MMP14: variants seen among roughly 807,000 people sequenced by gnomAD.
The protein encoded by MMP14 is matrix metallopeptidase 14.
A neutral mutation model predicts 64.8 loss-of-function variants in MMP14; 13 were observed. That is an observed-to-expected ratio of 0.20 (90% CI 0.13 to 0.32). The LOEUF is 0.32. MMP14 is among the 10% of genes least tolerant of loss of function. The pLI is 1.00. For synonymous variants in MMP14, 322 were observed against 315.9 expected, an observed-to-expected ratio of 1.02 and a Z score of -0.20; for missense variants, 594 against 783.8, an observed-to-expected ratio of 0.76 and a Z score of 2.89.
intron 1 of MMP14, among the ~76,000 whole-genome samples, chr14:22,840,235 G>A (rs867112377): frequency 5.6e-4 from 85 of 152,180 alleles, no homozygotes; most frequent in Middle Eastern, 6.8e-3. Flanking sequence ...CCAAACTGTC[G>A]GGATTACAGG....
Position 22,844,662 on chromosome 14 carries a change from C to G in MMP14, c.1183C>G (p.Leu395Val), listed in dbSNP as rs748822217. ...DKHWVFDEAS[L>V]EPGYPKHIKE... ...GCATTGGGTGTTTGATGAGGCGTCCCTGGAACCTGGCTACCCCAAGCACAT... is the reference window on the plus strand; with the variant it reads ...GCATTGGGTGTTTGATGAGGCGTCCGTGGAACCTGGCTACCCCAAGCACAT... Residue 395 changes from leucine to valine, a missense_variant, in exon 8 of 10, where the codon CTG becomes GTG. Physicochemically the swap from Leu to Val is conservative, Grantham distance 32. This residue lies in a region of MMP14 where 364 missense variants were observed against 425.2 expected (regional missense o/e 0.86). Coordinates refer to ENST00000311852, the MANE Select transcript of MMP14 (RefSeq NM_004995.4). 6.2e-7 allele frequency: 1 copy of G among 1,614,144 alleles called. No individual in the cohort carries two copies. Among genetic ancestry groups the G allele is most frequent in the South Asian group, 1.1e-5 (1 of 91,076 alleles).
intron 1 of MMP14, among the ~76,000 whole-genome samples, chr14:22,840,055 C>G (rs1271030836): frequency 6.8e-6 from 1 of 147,088 alleles, no homozygotes; most frequent in Admixed American, 7.0e-5. Flanking sequence ...GCAACCTTGG[C>G]CTCCCAGGTT....
In MMP14 at chr14:22,843,739, C is replaced by T. The variant is rs755082954; in HGVS notation, c.880C>T (p.Pro294Ser). The change falls in exon 6 of 10, where the codon CCC (proline) becomes TCC (serine). Residue 294 changes from proline to serine, a missense_variant. By Grantham distance (74) the Pro-to-Ser change is moderately conservative. Transcript: ENST00000311852. The surrounding 1 kb of genome is among the most constrained non-coding windows in gnomAD (Gnocchi z 4.8). ...GGESGFPTKMPPQPRTTSRPS... is the reference protein window; with the variant it reads ...GGESGFPTKMSPQPRTTSRPS... Reference sequence around the variant, plus strand: ...TGAGTCAGGGTTCCCCACCAAGATGCCCCCTCAACCCAGGACTACCTCCCG... The same window carrying T: ...TGAGTCAGGGTTCCCCACCAAGATGTCCCCTCAACCCAGGACTACCTCCCG... 52 of 1,594,054 alleles carry T rather than the reference C, an allele frequency of 3.3e-5. No individual in the cohort carries two copies. The highest frequency in any genetic ancestry group is 1.1e-4 in the East Asian group (5 of 44,696).
At position 22,845,834 on chromosome 14, in the gene MMP14, A is replaced by G. The variant is rs1241716174; in HGVS notation, c.1544A>G (p.Asp515Gly). 6.2e-6 allele frequency: 10 copies of G among 1,614,160 alleles called. No individual in the cohort carries two copies. The South Asian group carries it at 1.1e-4, about 18-fold the overall frequency. The stretch of plus-strand genomic sequence containing the variant: ...GGCTGCCCATCGGGAGGCCGGCCGG[A>G]TGAGGGGACTGAGGAGGAGACGGAG... ...WMGCPSGGRP[D>G]EGTEEETEVI... is the part of the protein sequence containing the mutation. The change falls in exon 10 of 10, where the codon GAT becomes GGT. Residue 515 changes from aspartate to glycine, a missense_variant. By Grantham distance (94) the Asp-to-Gly change is moderately conservative. Transcript: ENST00000311852.
rs1021104196 is a variant in MMP14 at position 22,843,379 on chromosome 14, C to T, written c.811C>T (p.Leu271=). The T allele has an allele frequency of 5.6e-6, 9 of 1,614,006 alleles. No homozygotes were observed. Among genetic ancestry groups the T allele is most frequent in the Non-Finnish European group, 7.6e-6 (9 of 1,180,008 alleles). Residue 271 remains leucine (L), a synonymous_variant, in exon 5 of 10, where the codon CTG becomes TTG. Transcript: ENST00000311852. This position sits in a 1 kb window ranked among gnomAD's most constrained non-coding sequence, Gnocchi z 4.8. ...GTGGATGGACACGGAGAATTTTGTG[C>T]TGCCCGATGATGACCGCCGGGGCAT... ...YQWMDTENFV[L]PDDDRRGIQQ...
At position 22,837,526 on chromosome 14, in the gene MMP14, G is replaced by A. The variant is rs2039743315; in HGVS notation, c.108+601G>A. ...CCGCTGTGTCCCTACCCGCATCCCT[G>A]GCGTCGAGGGTCGCAGCGCCGGCGC... On this transcript the variant is annotated intron_variant, in intron 1 of 9. Coordinates refer to ENST00000311852, the MANE Select transcript of MMP14 (RefSeq NM_004995.4). 15 of 373,598 alleles carry A rather than the reference G, an allele frequency of 4.0e-5. 1 individual carries two copies. The highest frequency in any genetic ancestry group is 2.9e-4 in the South Asian group (15 of 51,870). The allele number at this position is 373,598 out of a possible 1,614,324, so 23.1% of individuals were successfully genotyped here.
Position 22,844,638 on chromosome 14 carries a change from C to T in MMP14, c.1159C>T (p.His387Tyr). ...GKFVFFKGDK[H>Y]WVFDEASLEP... ...CCTCCTGTCCTCCCCAGGAGACAAG[C>T]ATTGGGTGTTTGATGAGGCGTCCCT... Residue 387 changes from histidine (H) to tyrosine (Y), a missense_variant, in exon 8 of 10, where the codon CAT becomes TAT. Physicochemically the swap from His to Tyr is moderately conservative, Grantham distance 83 (BLOSUM62 2). Transcript: ENST00000311852. The T allele has an allele frequency of 6.2e-7, 1 of 1,614,108 alleles. No individual in the cohort carries two copies. The highest frequency in any genetic ancestry group is 1.3e-5 in the African/African-American group (1 of 75,002).
intron 1 of MMP14, chr14:22,837,488 C>T: frequency 2.3e-6 from 1 of 442,468 alleles, no homozygotes; most frequent in Non-Finnish European, 4.6e-6. Flanking sequence ...GCCCCCGTCT[C>T]CCCGAGAGGA....
At position 22,842,046 on chromosome 14, in the gene MMP14, C is replaced by T. The variant is rs753455164; in HGVS notation, c.380+11C>T. 16 of 1,614,044 alleles carry T rather than the reference C, an allele frequency of 9.9e-6. No individual in the cohort carries two copies. In the Admixed American group the frequency reaches 2.5e-4, roughly 25 times the overall value. ...TGAAATCACTTTCTGGTGAGTCCAA[C>T]AGGCAAGCAACCTTTCTCACATCTG... On this transcript the variant is annotated intron_variant, in intron 3 of 9. Transcript: ENST00000311852. The surrounding 1 kb of genome is among the most constrained non-coding windows in gnomAD (Gnocchi z 5.3).
In MMP14 at chr14:22,844,425, C is replaced by T. The variant is rs777838822; in HGVS notation, c.1066C>T (p.Pro356Ser). Reference sequence around the variant, plus strand: ...CCAAGTGATGGATGGATACCCAATGCCCATTGGCCAGTTCTGGCGGGGCCT... The same window carrying T: ...CCAAGTGATGGATGGATACCCAATGTCCATTGGCCAGTTCTGGCGGGGCCT... ...NNQVMDGYPM[P>S]IGQFWRGLPA... Residue 356 changes from proline to serine, a missense_variant, in exon 7 of 10, where the codon CCC becomes TCC. By Grantham distance (74) the Pro-to-Ser change is moderately conservative (BLOSUM62 -1). Transcript: ENST00000311852. 7.4e-6 allele frequency: 12 copies of T among 1,614,012 alleles called. No individual in the cohort carries two copies. The highest frequency in any genetic ancestry group is 2.7e-5 in the African/African-American group (2 of 74,914).
In MMP14 at chr14:22,846,152, C is replaced by A; in HGVS notation, c.*113C>A. Reference sequence around the variant, plus strand: ...ATCGTCCCGAGCCCCCTCCCCGCAGCCTCCTTGCTTCTCTCTGTCCCCTGG... The same window carrying A: ...ATCGTCCCGAGCCCCCTCCCCGCAGACTCCTTGCTTCTCTCTGTCCCCTGG... On this transcript the variant is annotated 3_prime_UTR_variant, in exon 10 of 10. Transcript: ENST00000311852. The A allele has an allele frequency of 9.5e-7, 1 of 1,053,652 alleles. No homozygotes were observed. The highest frequency in any genetic ancestry group is 1.3e-6 in the Non-Finnish European group (1 of 753,134). 65.3% of individuals were successfully genotyped at this position (1,053,652 alleles called of 1,614,324 possible). A position where few individuals can be genotyped will look rare whatever the true frequency, so the allele number is the denominator to read the frequency against.
intron 1 of MMP14, among the ~76,000 whole-genome samples, chr14:22,838,305 G>T (rs887915877): frequency 6.6e-6 from 1 of 152,162 alleles, no homozygotes. Context: ...CAACTTCACT[G>T]CCTTACCTTT....
At chr14:22,845,434 G>A (rs1045096546) in intron 9 of MMP14, 68 bp downstream of exon 9, 1 of 1,180,618 alleles carries the variant, frequency 8.5e-7, no homozygotes, top group Non-Finnish European at 1.2e-6. Flanking sequence ...AGAGCGGGAG[G>A]GAAGCCTGAG....
chr14:22,846,506 CTCT>C lies in MMP14; in HGVS notation c.*468_*470del, dbSNP rs1404184162. The C allele has an allele frequency of 6.2e-6, 1 of 161,774 alleles. No homozygotes were observed. The highest frequency in any genetic ancestry group is 1.3e-5 in the Non-Finnish European group (1 of 74,570). 10.0% of individuals were successfully genotyped at this position (161,774 alleles called of 1,614,324 possible). A position where few individuals can be genotyped will look rare whatever the true frequency, so the allele number is the denominator to read the frequency against. The stretch of plus-strand genomic sequence containing the variant: ...GCCCCAGGTGTACCCAATTGGCAGC[CTCT>C]CACTACTCTTTCTGGCTAAAAGGAA... On this transcript the variant is annotated 3_prime_UTR_variant, in exon 10 of 10. Coordinates refer to ENST00000311852, the MANE Select transcript of MMP14 (RefSeq NM_004995.4).
In MMP14 at chr14:22,845,723, A is replaced by G. The variant is rs1246512601; in HGVS notation, c.1433A>G (p.Tyr478Cys). 3.1e-6 allele frequency: 5 copies of G among 1,613,770 alleles called. No homozygotes were observed. The highest frequency in any genetic ancestry group is 2.5e-6 in the Non-Finnish European group (3 of 1,179,986). Residue 478 changes from tyrosine to cysteine, a missense_variant, in exon 10 of 10, where the codon TAC becomes TGC. Tyr to Cys is a radical substitution (Grantham distance 194). This residue lies in a region of MMP14 where 364 missense variants were observed against 425.2 expected (regional missense o/e 0.86). Coordinates refer to ENST00000311852, the MANE Select transcript of MMP14 (RefSeq NM_004995.4). ...CTCCCTGCAGTCTTCACTTACTTCT[A>G]CAAGGGGAACAAATACTGGAAATTC... The part of the protein sequence containing the change: ...MGSDEVFTYF[Y>C]KGNKYWKFNN...
Position 22,837,133 on chromosome 14 carries a change from C to T in MMP14, c.108+208C>T, listed in dbSNP as rs541872659. ...TTGCCCGCTTCCAACCAGCTGCCCCCACCCCCTGCGCCGCCGACTCTCCTT... is the reference window on the plus strand; with the variant it reads ...TTGCCCGCTTCCAACCAGCTGCCCCTACCCCCTGCGCCGCCGACTCTCCTT... On this transcript the variant is annotated intron_variant, in intron 1 of 9. Transcript: ENST00000311852. The T allele has an allele frequency of 2.5e-5, 17 of 690,090 alleles. No homozygotes were observed. In the Middle Eastern group the frequency reaches 1.9e-3, roughly 76 times the overall value. The allele number at this position is 690,090 out of a possible 1,614,324, so 42.7% of individuals were successfully genotyped here.
chr14:22,836,817 C>T lies in MMP14; in HGVS notation c.-1C>T, dbSNP rs1398118296. 1 of 1,595,328 alleles carries T rather than the reference C, an allele frequency of 6.3e-7. No individual in the cohort carries two copies. The highest frequency in any genetic ancestry group is 8.6e-7 in the Non-Finnish European group (1 of 1,167,480). Reference sequence around the variant, plus strand: ...CCCGGCTGACCCGGTGGTCTCGGACCATGTCTCCCGCCCCAAGACCCCCCC... The same window carrying T: ...CCCGGCTGACCCGGTGGTCTCGGACTATGTCTCCCGCCCCAAGACCCCCCC... On this transcript the variant is annotated 5_prime_UTR_variant, in exon 1 of 10. Coordinates refer to ENST00000311852, the MANE Select transcript of MMP14 (RefSeq NM_004995.4).
intron 1 of MMP14, among the ~76,000 whole-genome samples, chr14:22,839,204 C>G (rs2039755861): frequency 6.6e-6 from 1 of 152,254 alleles, no homozygotes; most frequent in South Asian, 2.1e-4. Context: ...CGTCAGTAGA[C>G]CAGTCCCATC....
chr14:22,844,046 A>G (rs2039793369), intron 6 of MMP14, among the ~76,000 whole-genome samples, 176 bp downstream of exon 6: 1 of 151,996 alleles, frequency 6.6e-6, no homozygotes, highest in Non-Finnish European at 1.5e-5. Context: ...AAATACAAAA[A>G]ATTAGCCAAG....
Sources: allele counts gnomAD v4.1 joint callset (sites outside exome capture counted in the v4.1 genomes callset), GRCh38; gene constraint gnomAD v4.1.1; regional missense constraint gnomAD v4.1.1; non-coding constraint Gnocchi (gnomAD v3.1); transcripts MANE v1.5; gene names NCBI Gene and HGNC (gene_info 2026-07-23, HGNC 2026-07-21).